CNGB3: variants seen among roughly 807,000 people sequenced by gnomAD.
The protein encoded by CNGB3 is cyclic nucleotide gated channel subunit beta 3, also known as cyclic nucleotide-gated channel beta-3.
A neutral mutation model predicts 92.8 loss-of-function variants in CNGB3; 86 were observed. The ratio of observed to expected loss-of-function variants is 0.93; its 90% CI spans 0.78 to 1.11. The LOEUF (loss-of-function observed/expected upper bound fraction) is 1.11, where lower values mean the gene tolerates loss of function less well. CNGB3 is among the 50% of genes least tolerant of loss of function. The probability of loss-of-function intolerance (pLI) is 0.00; values close to 1 mark genes in which losing one functional copy is unlikely to be tolerated. For missense variants in CNGB3, 1,026 were observed against 956.8 expected (o/e 1.07, Z -0.95); for synonymous variants, 333 against 332.7 (o/e 1.00, Z -0.01).
At chr8:86,652,315 C>T (rs1823421590) in intron 7 of CNGB3, among the ~76,000 whole-genome samples, 1 of 151,902 alleles carries the variant, frequency 6.6e-6, no homozygotes, top group African/African-American at 2.4e-5. Flanking sequence ...TAGTGAGTGA[C>T]TGAAGGCCTA....
intron 7 of CNGB3, among the ~76,000 whole-genome samples, chr8:86,653,471 T>A (rs1377071738): frequency 6.6e-6 from 1 of 152,066 alleles, no homozygotes; most frequent in African/African-American, 2.4e-5. Context: ...TAGAGTTCAC[T>A]CCAATTGGGT....
At chr8:86,717,040 T>A (rs1447896573) in intron 3 of CNGB3, among the ~76,000 whole-genome samples, 1 of 151,960 alleles carries the variant, frequency 6.6e-6, no homozygotes, top group African/African-American at 2.4e-5. Flanking sequence ...TTCCAGCAAA[T>A]GGACACCAAA....
At chr8:86,606,860 A>G (rs762322328) in intron 14 of CNGB3, among the ~76,000 whole-genome samples, 4 of 152,196 alleles carry the variant, frequency 2.6e-5, no homozygotes, top group Admixed American at 6.5e-5. Flanking sequence ...GACTCTATAT[A>G]ATACATGAAG....
At chr8:86,720,687 T>A (rs532854345) in intron 3 of CNGB3, among the ~76,000 whole-genome samples, 1 of 151,996 alleles carries the variant, frequency 6.6e-6, no homozygotes, top group Non-Finnish European at 1.5e-5. Flanking sequence ...AGCAAAAAGG[T>A]ACTTGCGCAT....
intron 3 of CNGB3, chr8:86,704,374 A>G (rs747210084): frequency 3.9e-5 from 6 of 152,238 alleles, no homozygotes; most frequent in African/African-American, 7.2e-5. Context: ...GTGGTACCAC[A>G]GTTCAAATTC....
At chr8:86,623,667 T>TGAA (rs1366627066) in intron 13 of CNGB3, among the ~76,000 whole-genome samples, 3 of 152,220 alleles carry the variant, frequency 2.0e-5, no homozygotes, top group Non-Finnish European at 4.4e-5. Context: ...ACATGATTTT[T>TGAA]GAAGAAGACA....
intron 3 of CNGB3, among the ~76,000 whole-genome samples, chr8:86,711,155 T>G (rs1465573749): frequency 1.3e-5 from 2 of 152,190 alleles, no homozygotes; most frequent in Non-Finnish European, 2.9e-5. Context: ...CTCAGCTACA[T>G]GGGCTCTTTG....
rs564326027 is a variant in CNGB3, at chr8:86,617,472, T to C, written c.1579-5801A>G. 2.6e-5 allele frequency among the ~76,000 whole-genome samples: 4 copies of C among 152,314 alleles called. 1 individual carries two copies. Among genetic ancestry groups the C allele is most frequent in the African/African-American group, 7.2e-5 (3 of 41,570 alleles). The stretch of plus-strand genomic sequence containing the variant: ...CATTAAACAAGTAAGTTATAGGTGA[T>C]ATGACTAGGGCAGGGAATTCTGAAT... On this transcript the variant is annotated intron_variant, in intron 13 of 17. Coordinates refer to ENST00000320005, the MANE Select transcript of CNGB3 (RefSeq NM_019098.5).
intron 2 of CNGB3, among the ~76,000 whole-genome samples, chr8:86,736,988 A>G (rs1251330631): frequency 6.6e-6 from 1 of 152,188 alleles, no homozygotes; most frequent in Non-Finnish European, 1.5e-5. Context: ...TGAAAAATAT[A>G]TTGTAGAACA....
intron 15 of CNGB3, among the ~76,000 whole-genome samples, chr8:86,587,469 AG>A (rs1211861207): frequency 1.7e-4 from 26 of 152,264 alleles, no homozygotes; most frequent in African/African-American, 6.3e-4. Flanking sequence ...TGATGGTTTT[AG>A]GTCTAACGTT....
At chr8:86,658,015 T>A in intron 6 of CNGB3, 1 of 546,818 alleles carries the variant, frequency 1.8e-6, no homozygotes, top group South Asian at 1.5e-5. Context: ...CATCTGCTCC[T>A]TCAGGTCCAC....
In CNGB3 at chr8:86,611,587, C is replaced by T. The variant is rs1064796793; in HGVS notation, c.1662+1G>A. The T allele has an allele frequency of 1.2e-6, 2 of 1,610,824 alleles. No individual in the cohort carries two copies. The highest frequency in any genetic ancestry group is 2.2e-5 in the East Asian group (1 of 44,780). On this transcript the variant is annotated splice_donor_variant, in intron 14 of 17. Transcript: ENST00000320005. LOFTEE classifies it high-confidence loss of function. The stretch of plus-strand genomic sequence containing the variant: ...GCATTTGAAAAATAGCATGCACTCA[C>T]CTTTTTGCAGACAAAGTCACCAGGC...
At chr8:86,740,473 A>G (rs757039401) in intron 1 of CNGB3, among the ~76,000 whole-genome samples, 4 of 152,192 alleles carry the variant, frequency 2.6e-5, no homozygotes, top group Non-Finnish European at 4.4e-5. Flanking sequence ...TGTTTTCCAC[A>G]TGGAGAGGAC....
At chr8:86,658,454 C>T in intron 6 of CNGB3, 1 of 410,566 alleles carries the variant, frequency 2.4e-6, no homozygotes, top group Non-Finnish European at 4.6e-6. Flanking sequence ...TCTCCTGCAA[C>T]CCTTGGCAGG....
At chr8:86,722,621 C>A (rs886932740) in intron 3 of CNGB3, among the ~76,000 whole-genome samples, 5 of 152,146 alleles carry the variant, frequency 3.3e-5, no homozygotes, top group Non-Finnish European at 4.4e-5. Context: ...AATCAGTAGA[C>A]TGAGCAAAGC....
chr8:86,706,964 ATAT>A (rs772064360), intron 3 of CNGB3, among the ~76,000 whole-genome samples: 3 of 152,230 alleles, frequency 2.0e-5, no homozygotes, highest in Non-Finnish European at 4.4e-5. Context: ...TGTGATAAAA[ATAT>A]TATAAAATCA....
rs751547136 is a variant in CNGB3, at chr8:86,668,158, C to A, written c.504G>T (p.Thr168=). 5 of 1,612,032 alleles carry A rather than the reference C, an allele frequency of 3.1e-6. No individual in the cohort carries two copies. The East Asian group carries it at 6.7e-5, about 22-fold the overall frequency. ...CGCTTTCTTTTACTGGTGGTACAGCCGTGGGCTTTGCTTCATAGGGAAAAA... is the reference window on the plus strand; with the variant it reads ...CGCTTTCTTTTACTGGTGGTACAGCAGTGGGCTTTGCTTCATAGGGAAAAA... ...PEASPQTAKP[T]AVPPVKESDD... is the part of the protein sequence containing the mutation. The change falls in exon 5 of 18, where the codon ACG becomes ACT. Residue 168 remains threonine, a synonymous_variant. Coordinates refer to ENST00000320005, the MANE Select transcript of CNGB3 (RefSeq NM_019098.5).
intron 15 of CNGB3, among the ~76,000 whole-genome samples, chr8:86,585,854 CAGTAAG>C (rs1396499307): frequency 6.6e-6 from 1 of 152,116 alleles, no homozygotes. Context: ...AAGTAAAGTT[CAGTAAG>C]AGTAAGTTTA....
rs773768338 is a variant in CNGB3, at chr8:86,666,998, C to T, written c.779G>A (p.Cys260Tyr). The change falls in exon 6 of 18, where the codon TGT (cysteine) becomes TAT (tyrosine). Residue 260 changes from cysteine (C) to tyrosine (Y), a missense_variant. Transcript: ENST00000320005. ...CATATCATAAAGGTAGATGATATCA[C>T]ATATGATGTCCGCAATAAGCCAGTA... ...IHYWLIADII[C>Y]DIIYLYDMLF... 1.9e-6 allele frequency: 3 copies of T among 1,613,702 alleles called. No homozygotes were observed. Among genetic ancestry groups the T allele is most frequent in the Non-Finnish European group, 2.5e-6 (3 of 1,179,984 alleles).
Sources: allele counts gnomAD v4.1 joint callset (sites outside exome capture counted in the v4.1 genomes callset), GRCh38; gene constraint gnomAD v4.1.1; transcripts MANE v1.5; gene names NCBI Gene and HGNC (gene_info 2026-07-23, HGNC 2026-07-21).